Variants in MARCHF1 observed in about 807,000 individuals in gnomAD.
MARCHF1 encodes membrane associated ring-CH-type finger 1.
Under a neutral mutation model 54.2 loss-of-function variants are expected in MARCHF1, and 40 were observed. The observed-to-expected ratio is 0.74, with a 90% confidence interval of 0.57 to 0.96. MARCHF1 has a LOEUF of 0.96. Among genes scored for constraint, MARCHF1 ranks in the 40% least tolerant of loss-of-function variants. The pLI is 0.00. For missense variants in MARCHF1, 586 were observed against 656.5 expected, an observed-to-expected ratio of 0.89 and a Z score of 1.17; for synonymous variants, 236 against 236.3, an observed-to-expected ratio of 1.00 and a Z score of 0.01.
At chr4:164,003,718 G>C (rs1304240087) in intron 2 of MARCHF1, among the ~76,000 whole-genome samples, 1 of 152,118 alleles carries the variant, frequency 6.6e-6, no homozygotes, top group Non-Finnish European at 1.5e-5. Flanking sequence ...CATTGTGGAA[G>C]ACAGTGTGGT....
intron 2 of MARCHF1, among the ~76,000 whole-genome samples, chr4:164,076,680 C>T (rs1024909212): frequency 2.6e-4 from 40 of 152,208 alleles, no homozygotes; most frequent in African/African-American, 9.4e-4. Context: ...TAAGAAACTT[C>T]AGCCAAGTCT....
intron 3 of MARCHF1, among the ~76,000 whole-genome samples, chr4:163,952,069 C>A (rs1752143932): frequency 6.6e-6 from 1 of 152,094 alleles, no homozygotes; most frequent in African/African-American, 2.4e-5. Flanking sequence ...GATCTCCTAC[C>A]CCCTTAAGAC....
chr4:164,003,468 G>C (rs1021234223), intron 2 of MARCHF1, among the ~76,000 whole-genome samples: 2 of 151,872 alleles, frequency 1.3e-5, no homozygotes, highest in Non-Finnish European at 1.5e-5. Flanking sequence ...GTACACATAA[G>C]TAAAATGTAA....
At chr4:164,003,220 G>T (rs186773782) in intron 2 of MARCHF1, among the ~76,000 whole-genome samples, 45 of 151,858 alleles carry the variant, frequency 3.0e-4, no homozygotes, top group African/African-American at 1.1e-3. Flanking sequence ...ATAAGCCAAA[G>T]ATGGCAATAC....
At chr4:163,812,599 T>C (rs533045591) in intron 4 of MARCHF1, among the ~76,000 whole-genome samples, 1 of 151,928 alleles carries the variant, frequency 6.6e-6, no homozygotes, top group Non-Finnish European at 1.5e-5. Context: ...CTCTTCTGAA[T>C]TTACAAAAAT....
intron 3 of MARCHF1, among the ~76,000 whole-genome samples, chr4:163,945,984 C>T (rs1752015230): frequency 7.3e-6 from 1 of 136,734 alleles, no homozygotes; most frequent in Non-Finnish European, 1.6e-5. Context: ...GCTTCTCAAC[C>T]TGTATTTTTA....
intron 4 of MARCHF1, among the ~76,000 whole-genome samples, chr4:163,737,249 G>A (rs1255784429): frequency 1.7e-5 from 1 of 60,590 alleles, no homozygotes; most frequent in Non-Finnish European, 5.1e-5. Context: ...AAGTTTTAGG[G>A]TACATGTGCA....
intron 9 of MARCHF1, among the ~76,000 whole-genome samples, 185 bp downstream of exon 9, chr4:163,545,411 T>A (rs1738864513): frequency 6.6e-6 from 1 of 152,236 alleles, no homozygotes; most frequent in Non-Finnish European, 1.5e-5. Flanking sequence ...GGACTCCATA[T>A]AGTTAATGCT....
chr4:164,317,451 CG>C (rs1735028515), intron 1 of MARCHF1, among the ~76,000 whole-genome samples: 1 of 152,154 alleles, frequency 6.6e-6, no homozygotes, highest in Non-Finnish European at 1.5e-5. Context: ...GCTTTCTTCA[CG>C]GTCTGTGCTG....
chr4:164,014,669 A>C (rs1042708159), intron 2 of MARCHF1, among the ~76,000 whole-genome samples: 1 of 152,178 alleles, frequency 6.6e-6, no homozygotes, highest in African/African-American at 2.4e-5. Flanking sequence ...ATAAAAACAC[A>C]TATAGATTGA....
chr4:164,046,927 C>A (rs1754255461), intron 2 of MARCHF1, among the ~76,000 whole-genome samples: 1 of 152,090 alleles, frequency 6.6e-6, no homozygotes, highest in South Asian at 2.1e-4. Flanking sequence ...ATAGATTAAT[C>A]TTTTAATAAA....
intron 3 of MARCHF1, among the ~76,000 whole-genome samples, chr4:163,927,799 T>C (rs995001579): frequency 4.6e-5 from 7 of 151,800 alleles, no homozygotes; most frequent in African/African-American, 1.7e-4. Flanking sequence ...AGATGATAGA[T>C]GTGATCAAGC....
intron 3 of MARCHF1, among the ~76,000 whole-genome samples, chr4:163,982,984 G>A (rs1323702323): frequency 6.6e-6 from 1 of 152,200 alleles, no homozygotes; most frequent in Non-Finnish European, 1.5e-5. Context: ...TTTTAAGCCA[G>A]TGAAGGCCCA....
chr4:164,356,655 C>T (rs1047577037), intron 1 of MARCHF1, among the ~76,000 whole-genome samples: 67 of 141,086 alleles, frequency 4.7e-4, no homozygotes, highest in African/African-American at 1.7e-3. Context: ...GGAGATATAC[C>T]TAAGGCTAGA....
intron 5 of MARCHF1, among the ~76,000 whole-genome samples, chr4:163,633,498 G>A (rs987079862): frequency 5.3e-5 from 8 of 152,154 alleles, no homozygotes; most frequent in South Asian, 2.1e-4. Context: ...AGGTATCAGC[G>A]ATGGAAGATG....
At chr4:164,328,022 A>G (rs1248322424) in intron 1 of MARCHF1, among the ~76,000 whole-genome samples, 2 of 152,216 alleles carry the variant, frequency 1.3e-5, no homozygotes. Flanking sequence ...ACCGTGTGCC[A>G]TCAGAACCTG....
intron 2 of MARCHF1, among the ~76,000 whole-genome samples, chr4:164,110,263 G>A (rs1755806657): frequency 6.6e-6 from 1 of 151,630 alleles, no homozygotes; most frequent in African/African-American, 2.4e-5. Context: ...AAATAATCAT[G>A]TAAATGGATA....
At chr4:163,749,018 A>G (rs987517101) in intron 4 of MARCHF1, among the ~76,000 whole-genome samples, 5 of 152,150 alleles carry the variant, frequency 3.3e-5, no homozygotes, top group South Asian at 4.1e-4. Context: ...TGTTGGTAAT[A>G]TTCCTTTTCT....
At chr4:164,284,734 C>A (rs903562613) in intron 1 of MARCHF1, among the ~76,000 whole-genome samples, 2 of 150,942 alleles carry the variant, frequency 1.3e-5, no homozygotes, top group African/African-American at 4.9e-5. Context: ...ACAACTGGTT[C>A]AAAATCACAA....
Sources: gnomAD v4.1 joint callset for allele counts (sites outside exome capture counted in the v4.1 genomes callset) on GRCh38, gnomAD v4.1.1 for gene constraint, MANE v1.5 for transcripts, NCBI Gene and HGNC (gene_info 2026-07-23, HGNC 2026-07-21) for gene names.